Variants in CASD1 observed in about 807,000 individuals in gnomAD.
CASD1 encodes the protein N-acetylneuraminate (7)9-O-acetyltransferase.
In CASD1, 41 loss-of-function variants were observed where a neutral mutation model predicts 100.0. The ratio of observed to expected loss-of-function variants is 0.41; its 90% CI spans 0.32 to 0.53. The LOEUF (loss-of-function observed/expected upper bound fraction) is 0.53, where lower values mean the gene tolerates loss of function less well. Ranked by LOEUF, CASD1 falls within the 20% of genes least tolerant of loss-of-function variation. CASD1 has a pLI of 0.25. For synonymous variants in CASD1, 321 were observed against 315.6 expected, an observed-to-expected ratio of 1.02 and a Z score of -0.18; for missense variants, 774 against 948.7, an observed-to-expected ratio of 0.82 and a Z score of 2.42.
chr7:94,627,290 A>G, the CASD1 span: 1 of 152,036 alleles, frequency 6.6e-6, no homozygotes, highest in African/African-American at 2.4e-5. Context: ...TCATTTTTTT[A>G]AAGTATTGTA....
the CASD1 span, chr7:94,628,535 C>G: frequency 1.7e-6 from 1 of 574,364 alleles, no homozygotes; most frequent in Non-Finnish European, 3.1e-6. Context: ...AAAAAAAATC[C>G]TTTTGGTTGT....
the CASD1 span, among the ~76,000 whole-genome samples, chr7:94,577,108 A>G: frequency 2.1e-4 from 32 of 152,284 alleles, no homozygotes; most frequent in South Asian, 6.4e-3. Context: ...GAAATAACTG[A>G]TTTAAAGTAC....
chr7:94,618,758 C>T, the CASD1 span: 1 of 1,611,930 alleles, frequency 6.2e-7, no homozygotes, highest in Non-Finnish European at 8.5e-7. Context: ...ATCTGCTTAC[C>T]CCTCCTTCAG....
At chr7:94,547,598 G>A (rs1387333411) in intron 13 of CASD1, among the ~76,000 whole-genome samples, 1 of 151,730 alleles carries the variant, frequency 6.6e-6, no homozygotes, top group Non-Finnish European at 1.5e-5. Context: ...AACCAACTTA[G>A]GAGCAAAGGG....
chr7:94,588,519 A>G, the CASD1 span: 3 of 1,445,738 alleles, frequency 2.1e-6, no homozygotes, highest in South Asian at 1.5e-5. Context: ...ATGCCAATCT[A>G]TGTAATAATC....
chr7:94,513,619 A>G (rs1793829848), intron 1 of CASD1, among the ~76,000 whole-genome samples: 1 of 152,230 alleles, frequency 6.6e-6, no homozygotes, highest in South Asian at 2.1e-4. Context: ...CAGTTCTGCC[A>G]GCAACTTACA....
chr7:94,631,380 G>C, the CASD1 span, among the ~76,000 whole-genome samples: 2 of 151,770 alleles, frequency 1.3e-5, no homozygotes, highest in Non-Finnish European at 2.9e-5. Context: ...AAGAGACCCT[G>C]CCACTGCTTT....
rs1267253277 is a variant in CASD1 at position 94,515,412 on chromosome 7, A to G, written c.134-2148A>G. ...TGACAACTTCAAATCTCATTTTGCT[A>G]TGGTTTTTTTTTTTTTTGATACGGG... On this transcript the variant is annotated intron_variant, in intron 1 of 17. Coordinates refer to ENST00000297273, the MANE Select transcript of CASD1 (RefSeq NM_022900.5). Among the ~76,000 whole-genome samples the G allele has an allele frequency of 7.0e-5, 7 of 99,392 alleles. No individual in the cohort carries two copies. In the South Asian group the frequency reaches 2.0e-3, roughly 29 times the overall value. 65.2% of individuals were successfully genotyped at this position (99,392 alleles called of 152,430 possible).
At chr7:94,526,274 A>T (rs1177115606) in intron 3 of CASD1, among the ~76,000 whole-genome samples, 1 of 152,204 alleles carries the variant, frequency 6.6e-6, no homozygotes, top group Non-Finnish European at 1.5e-5. Context: ...AGTTCCTACT[A>T]TTGGAATTTT....
At chr7:94,632,585 C>T in the CASD1 span, among the ~76,000 whole-genome samples, 6 of 152,094 alleles carry the variant, frequency 3.9e-5, no homozygotes, top group Admixed American at 3.9e-4. Context: ...AGATGTATGA[C>T]ACATTCATCA....
In CASD1 at chr7:94,539,663, C is replaced by T. The variant is rs1467936764; in HGVS notation, c.1356+607C>T. Reference sequence around the variant, plus strand: ...CAGCCTGGGTTGCAGAGTGAGACTCCGTCTCAAAAAAAAAAAAAAAAGAAA... The same window carrying T: ...CAGCCTGGGTTGCAGAGTGAGACTCTGTCTCAAAAAAAAAAAAAAAAGAAA... On this transcript the variant is annotated intron_variant, in intron 10 of 17. Transcript: ENST00000297273. Among the ~76,000 whole-genome samples, 80 of 98,460 alleles carry T rather than the reference C, an allele frequency of 8.1e-4. 1 individual carries two copies. The highest frequency in any genetic ancestry group is 2.3e-3 in the African/African-American group (70 of 30,166). 64.6% of individuals were successfully genotyped at this position (98,460 alleles called of 152,430 possible).
At chr7:94,535,279 T>C (rs778666168) in intron 7 of CASD1, 30 bp from the exon 8 acceptor site, 29 of 1,510,026 alleles carry the variant, frequency 1.9e-5, no homozygotes, top group Non-Finnish European at 4.6e-6. Flanking sequence ...ATTTTTAAAA[T>C]GTGTTTTTAA....
At chr7:94,515,727 C>A (rs1793947892) in intron 1 of CASD1, among the ~76,000 whole-genome samples, 3 of 151,820 alleles carry the variant, frequency 2.0e-5, no homozygotes, top group Non-Finnish European at 4.4e-5. Flanking sequence ...ACACCCCCCT[C>A]CCCCTAGAAA....
At chr7:94,574,922 A>G in the CASD1 span, among the ~76,000 whole-genome samples, 1 of 152,296 alleles carries the variant, frequency 6.6e-6, no homozygotes, top group African/African-American at 2.4e-5. Context: ...GTGAGCCAAA[A>G]TCATGCCACT....
chr7:94,522,340 G>T (rs935582691), intron 3 of CASD1, among the ~76,000 whole-genome samples: 3 of 152,194 alleles, frequency 2.0e-5, no homozygotes, highest in African/African-American at 7.2e-5. Flanking sequence ...CATTTTCAGG[G>T]ATACAGAAAG....
chr7:94,514,400 G>C (rs1339455083), intron 1 of CASD1, among the ~76,000 whole-genome samples: 3 of 152,054 alleles, frequency 2.0e-5, no homozygotes, highest in Admixed American at 6.6e-5. Context: ...ATATTCTATG[G>C]ACTATACTGT....
chr7:94,533,393 A>G (rs1384728437), intron 6 of CASD1, 144 bp downstream of exon 6: 1 of 619,354 alleles, frequency 1.6e-6, no homozygotes, highest in Non-Finnish European at 2.7e-6. Context: ...GATGAATTTT[A>G]ATACAAATAC....
the CASD1 span, chr7:94,625,619 T>C: frequency 1.3e-5 from 2 of 152,132 alleles, no homozygotes; most frequent in South Asian, 2.1e-4. Context: ...TTGCCTGTTT[T>C]TGAGCTCTAC....
chr7:94,587,981 C>T, the CASD1 span: 1 of 1,411,848 alleles, frequency 7.1e-7, no homozygotes, highest in Non-Finnish European at 9.2e-7. Context: ...TAAAACTTCT[C>T]TTGCTTTTCC....
Sources: gnomAD v4.1 joint callset for allele counts (sites outside exome capture counted in the v4.1 genomes callset) on GRCh38, gnomAD v4.1.1 for gene constraint, MANE v1.5 for transcripts, NCBI Gene and HGNC (gene_info 2026-07-23, HGNC 2026-07-21) for gene names.